Variants in TFEC observed in about 807,000 individuals in gnomAD.
TFEC encodes class E basic helix-loop-helix protein 34.
TFEC carries 31 observed loss-of-function variants against 41.6 expected under a neutral mutation model. That is an observed-to-expected ratio of 0.74 (90% CI 0.56 to 1.01). TFEC has a LOEUF of 1.01. TFEC is among the 50% of genes least tolerant of loss of function. TFEC has a pLI of 0.00. For missense variants in TFEC, 402 were observed against 404.1 expected, an observed-to-expected ratio of 0.99 and a Z score of 0.04; for synonymous variants, 143 against 140.6, an observed-to-expected ratio of 1.02 and a Z score of -0.12.
intron 1 of TFEC, among the ~76,000 whole-genome samples, chr7:116,116,393 G>T (rs1435697200): frequency 6.6e-6 from 1 of 151,660 alleles, no homozygotes; most frequent in East Asian, 1.9e-4. Context: ...AAAACCTAAG[G>T]GTGGAAATTA....
At chr7:115,963,376 G>A (rs1210241625) in intron 3 of TFEC, among the ~76,000 whole-genome samples, 4 of 151,488 alleles carry the variant, frequency 2.6e-5, no homozygotes, top group Non-Finnish European at 5.9e-5. Context: ...AAAGAAGTAT[G>A]GAAGTTCCTC....
intron 1 of TFEC, among the ~76,000 whole-genome samples, chr7:116,156,664 A>C (rs1331381305): frequency 2.0e-5 from 3 of 152,170 alleles, no homozygotes; most frequent in African/African-American, 7.2e-5. Context: ...TTGCTTTTAC[A>C]GTTCCTAGAT....
At chr7:116,002,285 C>G (rs1769028720) in intron 1 of TFEC, among the ~76,000 whole-genome samples, 2 of 152,164 alleles carry the variant, frequency 1.3e-5, no homozygotes, top group Admixed American at 6.6e-5. Context: ...AAGGATCTAT[C>G]AACATATGAA....
intron 2 of TFEC, chr7:116,110,957 T>C: frequency 1.6e-6 from 2 of 1,260,766 alleles, no homozygotes; most frequent in Non-Finnish European, 2.1e-6. Context: ...AAAGGAGCAC[T>C]GTAAAACACA....
intron 2 of TFEC, among the ~76,000 whole-genome samples, chr7:115,979,199 T>C (rs1045996496): frequency 6.6e-5 from 10 of 152,152 alleles, no homozygotes; most frequent in African/African-American, 2.2e-4. Context: ...CAAATCTGAT[T>C]ATGTTACCCT....
intron 1 of TFEC, among the ~76,000 whole-genome samples, chr7:116,014,141 T>C (rs919219287): frequency 2.0e-5 from 3 of 152,050 alleles, no homozygotes; most frequent in Admixed American, 6.6e-5. Flanking sequence ...AAACCTCTAA[T>C]TCCCTTTCAC....
intron 1 of TFEC, among the ~76,000 whole-genome samples, chr7:116,131,538 G>A (rs566660732): frequency 2.0e-5 from 3 of 152,182 alleles, no homozygotes; most frequent in South Asian, 4.1e-4. Flanking sequence ...ATCATATTAT[G>A]TTTTTATTAT....
intron 3 of TFEC, among the ~76,000 whole-genome samples, chr7:116,045,180 C>T (rs1411881986): frequency 6.6e-6 from 1 of 152,172 alleles, no homozygotes; most frequent in African/African-American, 2.4e-5. Flanking sequence ...ATGGTGTTGA[C>T]CAAATGCCTG....
intron 1 of TFEC, among the ~76,000 whole-genome samples, chr7:116,124,241 C>G (rs1318099036): frequency 1.3e-5 from 2 of 151,864 alleles, no homozygotes; most frequent in Non-Finnish European, 2.9e-5. Context: ...TGGGTGCAGA[C>G]AGTGAAAGGA....
At chr7:116,028,346 G>T (rs915995028) in intron 1 of TFEC, among the ~76,000 whole-genome samples, 1 of 152,084 alleles carries the variant, frequency 6.6e-6, no homozygotes, top group Non-Finnish European at 1.5e-5. Flanking sequence ...TCTCTAATTA[G>T]CTGGCATTCA....
chr7:116,012,781 T>C (rs906308235), intron 1 of TFEC, among the ~76,000 whole-genome samples: 1 of 150,346 alleles, frequency 6.7e-6, no homozygotes, highest in Non-Finnish European at 1.5e-5. Context: ...CAAAGAAACT[T>C]ATACATTTTC....
intron 3 of TFEC, among the ~76,000 whole-genome samples, chr7:116,099,526 C>A (rs1037800279): frequency 2.6e-5 from 4 of 152,172 alleles, no homozygotes; most frequent in Non-Finnish European, 2.9e-5. Flanking sequence ...ACATTACGAC[C>A]AGTCCCCTTT....
chr7:116,136,366 T>C (rs1284788913), intron 1 of TFEC, among the ~76,000 whole-genome samples: 1 of 152,018 alleles, frequency 6.6e-6, no homozygotes, highest in South Asian at 2.1e-4. Context: ...ATTGATTAAA[T>C]TATACTAGAT....
At chr7:115,944,791 A>G (rs35565613) in intron 6 of TFEC, among the ~76,000 whole-genome samples, 10,059 of 151,230 alleles carry the variant, frequency 0.067, 498 homozygotes, top group Non-Finnish European at 0.099. Flanking sequence ...TTTCAAATGC[A>G]TCTGTCATAA....
At chr7:115,968,200 A>C (rs1265837703) in intron 3 of TFEC, 2 of 1,526,392 alleles carry the variant, frequency 1.3e-6, no homozygotes, top group African/African-American at 2.8e-5. Flanking sequence ...TTAACTTTGA[A>C]GTGTCTATAA....
intron 3 of TFEC, among the ~76,000 whole-genome samples, chr7:116,048,858 A>T (rs1168357216): frequency 6.6e-6 from 1 of 152,250 alleles, no homozygotes; most frequent in African/African-American, 2.4e-5. Flanking sequence ...TTTTCAACCA[A>T]GAATTTCATA....
intron 3 of TFEC, among the ~76,000 whole-genome samples, chr7:116,048,558 C>A (rs1796228836): frequency 6.6e-6 from 1 of 152,220 alleles, no homozygotes; most frequent in Admixed American, 6.5e-5. Context: ...AAACACTCTT[C>A]AGGATATTAT....
chr7:116,072,883 T>C (rs758464876), intron 3 of TFEC, among the ~76,000 whole-genome samples: 5 of 151,546 alleles, frequency 3.3e-5, no homozygotes, highest in African/African-American at 4.8e-5. Flanking sequence ...AACTGGATGC[T>C]TTCTCCCTAC....
chr7:116,153,250 TGTTTC>T (rs1798798123), intron 1 of TFEC, among the ~76,000 whole-genome samples: 2 of 146,200 alleles, frequency 1.4e-5, no homozygotes. Context: ...GTTTTTGTTT[TGTTTC>T]GTTTTGTTTT....
Sources: gnomAD v4.1 joint callset for allele counts (sites outside exome capture counted in the v4.1 genomes callset) on GRCh38, gnomAD v4.1.1 for gene constraint, MANE v1.5 for transcripts, NCBI Gene and HGNC (gene_info 2026-07-23, HGNC 2026-07-21) for gene names.